The following CAP2 variants were observed in gnomAD, a reference collection of about 807,000 sequenced individuals.
The protein encoded by CAP2 is cyclase associated actin cytoskeleton regulatory protein 2.
CAP2 carries 24 observed loss-of-function variants against 57.7 expected under a neutral mutation model. The ratio of observed to expected loss-of-function variants is 0.42; its 90% CI spans 0.30 to 0.58. The LOEUF (loss-of-function observed/expected upper bound fraction) is 0.58, where lower values mean the gene tolerates loss of function less well. Among genes scored for constraint, CAP2 ranks in the 20% least tolerant of loss-of-function variants. CAP2 has a pLI of 0.22. For missense variants in CAP2, 501 were observed against 590.3 expected (o/e 0.85, Z 1.57); for synonymous variants, 194 against 207.2 (o/e 0.94, Z 0.55).
At chr6:17,410,794 C>T (rs962630188) in intron 1 of CAP2, among the ~76,000 whole-genome samples, 7 of 152,146 alleles carry the variant, frequency 4.6e-5, no homozygotes, top group African/African-American at 1.4e-4. Flanking sequence ...CTCCTGACCT[C>T]GTGATCTGCC....
intron 7 of CAP2, chr6:17,536,127 C>T (rs1762767187): frequency 4.4e-6 from 2 of 450,754 alleles, no homozygotes; most frequent in Non-Finnish European, 4.5e-6. Flanking sequence ...CCAGCCTTCT[C>T]TCTGTTTTTT....
intron 3 of CAP2, among the ~76,000 whole-genome samples, chr6:17,452,472 A>G (rs565730400): frequency 1.3e-5 from 2 of 152,190 alleles, no homozygotes; most frequent in Admixed American, 1.3e-4. Flanking sequence ...GAAAAAGGCC[A>G]TGGGAACCCA....
chr6:17,484,856 A>G (rs765161637), intron 4 of CAP2, among the ~76,000 whole-genome samples: 1 of 152,164 alleles, frequency 6.6e-6, no homozygotes, highest in Non-Finnish European at 1.5e-5. Context: ...GCATTGTGTC[A>G]TTGTCTCAGG....
At chr6:17,487,617 C>A (rs1209060718) in intron 4 of CAP2, among the ~76,000 whole-genome samples, 2 of 152,058 alleles carry the variant, frequency 1.3e-5, no homozygotes, top group Non-Finnish European at 2.9e-5. Context: ...TTACAGGCAC[C>A]CGCCACCACG....
intron 12 of CAP2, among the ~76,000 whole-genome samples, chr6:17,554,694 C>G (rs1763252443): frequency 6.6e-6 from 1 of 152,228 alleles, no homozygotes; most frequent in Admixed American, 6.5e-5. Flanking sequence ...TTATCAGACA[C>G]ATGAGGTTTC....
chr6:17,453,099 G>A (rs924828054), intron 3 of CAP2, among the ~76,000 whole-genome samples: 1 of 152,216 alleles, frequency 6.6e-6, no homozygotes, highest in Non-Finnish European at 1.5e-5. Context: ...TCCTCACCAT[G>A]TTGTTCCATT....
At chr6:17,506,186 A>G (rs1330228007) in intron 4 of CAP2, among the ~76,000 whole-genome samples, 2 of 152,148 alleles carry the variant, frequency 1.3e-5, no homozygotes, top group African/African-American at 4.8e-5. Flanking sequence ...GGTATGAGCC[A>G]CCACGCCCAG....
chr6:17,432,142 G>A (rs6459546), intron 3 of CAP2, among the ~76,000 whole-genome samples: 80,192 of 151,972 alleles, frequency 0.53, 23,714 homozygotes, highest in African/African-American at 0.81. Context: ...ACATATAATA[G>A]CCTTATCTCT....
chr6:17,466,261 C>G (rs1250872995), intron 4 of CAP2, among the ~76,000 whole-genome samples: 3 of 152,194 alleles, frequency 2.0e-5, no homozygotes, highest in African/African-American at 4.8e-5. Context: ...AATTTCAGCT[C>G]TCAGTGACAT....
intron 4 of CAP2, among the ~76,000 whole-genome samples, chr6:17,468,056 A>G (rs1276907719): frequency 6.6e-6 from 1 of 152,172 alleles, no homozygotes; most frequent in Non-Finnish European, 1.5e-5. Context: ...AATAAGTGAG[A>G]ACATGCAATG....
At chr6:17,512,423 T>C (rs1051840670) in intron 6 of CAP2, among the ~76,000 whole-genome samples, 11 of 152,164 alleles carry the variant, frequency 7.2e-5, no homozygotes, top group African/African-American at 2.6e-4. Flanking sequence ...AGAAAGTATA[T>C]TGAATGTCAA....
chr6:17,546,787 T>C (rs1763057829), intron 11 of CAP2, among the ~76,000 whole-genome samples: 1 of 152,160 alleles, frequency 6.6e-6, no homozygotes, highest in Non-Finnish European at 1.5e-5. Flanking sequence ...GGGATGCCCT[T>C]TCTCACTACT....
intron 4 of CAP2, among the ~76,000 whole-genome samples, chr6:17,494,146 C>T (rs1761609500): frequency 6.6e-6 from 1 of 152,160 alleles, no homozygotes; most frequent in Non-Finnish European, 1.5e-5. Flanking sequence ...TGCGTTTACC[C>T]TCCAATAATC....
intron 7 of CAP2, among the ~76,000 whole-genome samples, chr6:17,534,717 A>C (rs1407003077): frequency 6.6e-6 from 1 of 152,154 alleles, no homozygotes; most frequent in East Asian, 1.9e-4. Flanking sequence ...ATGGGCACCC[A>C]AGGCTGCAGG....
chr6:17,504,568 A>T (rs1192611898), intron 4 of CAP2, among the ~76,000 whole-genome samples: 1 of 152,158 alleles, frequency 6.6e-6, no homozygotes, highest in Non-Finnish European at 1.5e-5. Flanking sequence ...AGCTCCACTA[A>T]TCATTGCTAG....
At chr6:17,508,286 G>T (rs1283779543) in intron 6 of CAP2, among the ~76,000 whole-genome samples, 26 of 152,198 alleles carry the variant, frequency 1.7e-4, no homozygotes, top group Admixed American at 1.7e-3. Flanking sequence ...AAGGGGCTTT[G>T]CCTGGTGAAC....
chr6:17,433,342 G>A (rs1759792543), intron 3 of CAP2, among the ~76,000 whole-genome samples: 1 of 152,184 alleles, frequency 6.6e-6, no homozygotes, highest in Non-Finnish European at 1.5e-5. Flanking sequence ...CGTCTAAAAG[G>A]ACTGTAGGCC....
intron 6 of CAP2, among the ~76,000 whole-genome samples, chr6:17,511,008 G>C (rs1032837453): frequency 6.6e-6 from 1 of 152,032 alleles, no homozygotes; most frequent in African/African-American, 2.4e-5. Context: ...TCACAAAGAG[G>C]GTTCAGTATT....
intron 3 of CAP2, among the ~76,000 whole-genome samples, chr6:17,448,559 CT>C (rs1159136940): frequency 6.6e-6 from 1 of 152,154 alleles, no homozygotes; most frequent in Non-Finnish European, 1.5e-5. Context: ...GTTTTAAATT[CT>C]TTCCAGTCTT....
Sources: allele counts gnomAD v4.1 joint callset (sites outside exome capture counted in the v4.1 genomes callset), GRCh38; gene constraint gnomAD v4.1.1; transcripts MANE v1.5; gene names NCBI Gene and HGNC (gene_info 2026-07-23, HGNC 2026-07-21).